CDH15: variants seen among roughly 807,000 people sequenced by gnomAD.
CDH15 encodes the protein cadherin 15.
In CDH15, 73 loss-of-function variants were observed where a neutral mutation model predicts 69.4. The observed-to-expected ratio is 1.05, with a 90% CI of 0.87 to 1.28. The LOEUF (loss-of-function observed/expected upper bound fraction) is 1.28, where lower values mean the gene tolerates loss of function less well. CDH15 is among the 50% of genes most tolerant of loss of function. CDH15 has a pLI of 0.00. For synonymous variants in CDH15, 624 were observed against 507.7 expected (o/e 1.23, Z -3.08); for missense variants, 1,343 against 1,133.6 (o/e 1.18, Z -2.65).
intron 1 of CDH15, among the ~76,000 whole-genome samples, chr16:89,173,733 G>C (rs1052999449): frequency 1.3e-5 from 2 of 152,202 alleles, no homozygotes; most frequent in East Asian, 3.9e-4. Context: ...CTACAAGTGA[G>C]GGGTTGCTCC....
chr16:89,171,764 G>C lies in CDH15; in HGVS notation c.-68G>C. On this transcript the variant is annotated 5_prime_UTR_variant, in exon 1 of 14. Coordinates refer to ENST00000289746, the MANE Select transcript of CDH15 (RefSeq NM_004933.3). ...CTGGCCCGCCCCGCGCACTTGCGCT[G>C]TCACTCAGCCTGGACGCGCTTCTTC... is the stretch of plus-strand genomic sequence containing the variant. 1 of 1,488,634 alleles carries C rather than the reference G, an allele frequency of 6.7e-7. No individual in the cohort carries two copies. Among genetic ancestry groups the C allele is most frequent in the Non-Finnish European group, 9.1e-7 (1 of 1,104,316 alleles). The allele number at this position is 1,488,634 out of a possible 1,614,324, so 92.2% of individuals were successfully genotyped here.
rs1567776658 is a variant in CDH15, at chr16:89,191,857, AGAGCTCGGCCG to A, written c.1581_1591del (p.Gly529GlufsTer124). On this transcript the variant is annotated frameshift_variant, in exon 10 of 14. Coordinates refer to ENST00000289746, the MANE Select transcript of CDH15 (RefSeq NM_004933.3). LOFTEE classifies it high-confidence loss of function. ...ACTTCCAGCTGAGCCCCAGGCTCCCAGAGCTCGGCCGGAACTGGAGCCTCAGCCAGGTCAAC... is the reference window on the plus strand; with the variant it reads ...ACTTCCAGCTGAGCCCCAGGCTCCCAGAACTGGAGCCTCAGCCAGGTCAAC... 1.4e-5 allele frequency: 23 copies of A among 1,598,058 alleles called. No homozygotes were observed. Among genetic ancestry groups the A allele is most frequent in the Non-Finnish European group, 1.9e-5 (22 of 1,177,220 alleles).
intron 8 of CDH15, 91 bp from the exon 9 acceptor site, chr16:89,191,239 G>A: frequency 7.0e-7 from 1 of 1,429,132 alleles, no homozygotes; most frequent in Non-Finnish European, 9.8e-7. Context: ...GTGCCTGTGT[G>A]TGTGCAGTGC....
At chr16:89,176,426 C>T (rs536247551) in intron 1 of CDH15, among the ~76,000 whole-genome samples, 4 of 152,284 alleles carry the variant, frequency 2.6e-5, no homozygotes, top group South Asian at 2.1e-4. Context: ...CCCCGGTTCT[C>T]GGTGCTCCAT....
intron 1 of CDH15, among the ~76,000 whole-genome samples, chr16:89,173,209 C>T (rs1180367272): frequency 1.3e-5 from 2 of 152,218 alleles, no homozygotes; most frequent in Non-Finnish European, 2.9e-5. Flanking sequence ...GGAGCGCAGG[C>T]TGGGGGGCTC....
At chr16:89,179,662 C>A in intron 2 of CDH15, 88 bp downstream of exon 2, 1 of 1,379,568 alleles carries the variant, frequency 7.2e-7, no homozygotes, top group Non-Finnish European at 9.8e-7. Context: ...TCCTGGGAGC[C>A]AGCGGGGCCC....
chr16:89,174,807 G>A (rs927790839), intron 1 of CDH15, among the ~76,000 whole-genome samples: 1 of 152,142 alleles, frequency 6.6e-6, no homozygotes, highest in African/African-American at 2.4e-5. Flanking sequence ...AGGAGTGGAC[G>A]AGTGTCCACA....
chr16:89,194,798 G>A, intron 13 of CDH15, 64 bp from the exon 14 acceptor site: 4 of 1,508,722 alleles, frequency 2.7e-6, no homozygotes, highest in Non-Finnish European at 2.7e-6. Flanking sequence ...CTGGGCTGTG[G>A]CCACGGCGGT....
chr16:89,173,680 C>T (rs1915202525), intron 1 of CDH15, among the ~76,000 whole-genome samples: 1 of 152,194 alleles, frequency 6.6e-6, no homozygotes, highest in South Asian at 2.1e-4. Context: ...GGGCCGCCTC[C>T]TGGTGAGCCC....
chr16:89,187,277 G>A, intron 5 of CDH15, 152 bp from the exon 6 acceptor site: 3 of 815,294 alleles, frequency 3.7e-6, no homozygotes, highest in Non-Finnish European at 6.1e-6. Context: ...TAGGATCAGG[G>A]CAGGATTCTC....
chr16:89,177,866 C>T (rs1038725141), intron 1 of CDH15, among the ~76,000 whole-genome samples: 1 of 152,138 alleles, frequency 6.6e-6, no homozygotes, highest in Non-Finnish European at 1.5e-5. Context: ...CCATGCAGCC[C>T]ACCCAGAAAC....
chr16:89,175,827 C>T (rs1915244908), intron 1 of CDH15, among the ~76,000 whole-genome samples: 1 of 152,358 alleles, frequency 6.6e-6, no homozygotes, highest in African/African-American at 2.4e-5. Context: ...TCCCTGCTTC[C>T]TGCCAAAGCG....
At chr16:89,172,124 G>A (rs1303637981) in intron 1 of CDH15, among the ~76,000 whole-genome samples, 1 of 152,132 alleles carries the variant, frequency 6.6e-6, no homozygotes, top group Non-Finnish European at 1.5e-5. Flanking sequence ...CTGGGGTCAG[G>A]GACCCCAGGC....
intron 4 of CDH15, 99 bp from the exon 5 acceptor site, chr16:89,185,074 G>C: frequency 8.4e-7 from 1 of 1,195,418 alleles, no homozygotes; most frequent in South Asian, 1.3e-5. Flanking sequence ...TGCTGGAACC[G>C]GGGAGCCTGT....
chr16:89,194,166 C>T (rs1336954057), intron 13 of CDH15, among the ~76,000 whole-genome samples: 1 of 152,244 alleles, frequency 6.6e-6, no homozygotes, highest in Non-Finnish European at 1.5e-5. Flanking sequence ...GCCACAGACC[C>T]ATCCACTGCC....
chr16:89,172,970 C>T (rs544606836), intron 1 of CDH15, among the ~76,000 whole-genome samples: 1 of 152,282 alleles, frequency 6.6e-6, no homozygotes, highest in African/African-American at 2.4e-5. Context: ...ACTGAAGGGG[C>T]TTCCTGAGTC....
At chr16:89,193,727 T>G in intron 12 of CDH15, 28 bp from the exon 13 acceptor site, 1 of 1,597,962 alleles carries the variant, frequency 6.3e-7, no homozygotes, top group Non-Finnish European at 8.5e-7. Context: ...GAGGGATGCC[T>G]GGCTCTGTTC....
chr16:89,193,046 C>A (rs1392848448), intron 11 of CDH15, among the ~76,000 whole-genome samples: 1 of 78,784 alleles, frequency 1.3e-5, no homozygotes, highest in Non-Finnish European at 2.5e-5. Flanking sequence ...ACGCCCCTTC[C>A]TCCCCAGCTC....
intron 7 of CDH15, 34 bp from the exon 8 acceptor site, chr16:89,190,209 T>C: frequency 1.2e-6 from 2 of 1,606,390 alleles, no homozygotes; most frequent in Non-Finnish European, 8.5e-7. Flanking sequence ...ACACTTGCGT[T>C]GGGCGGATGA....
Sources: gnomAD v4.1 joint callset for allele counts (sites outside exome capture counted in the v4.1 genomes callset) on GRCh38, gnomAD v4.1.1 for gene constraint, MANE v1.5 for transcripts, NCBI Gene and HGNC (gene_info 2026-07-23, HGNC 2026-07-21) for gene names.